The following CDH18 variants were observed in gnomAD, a reference collection of about 807,000 sequenced individuals.
The protein encoded by CDH18 is cadherin-18.
A neutral mutation model predicts 67.9 loss-of-function variants in CDH18; 31 were observed. That is an observed-to-expected ratio of 0.46 (90% confidence interval 0.34 to 0.62). The LOEUF (loss-of-function observed/expected upper bound fraction) is 0.62. Among genes scored for constraint, CDH18 ranks in the 20% least tolerant of loss-of-function variants. CDH18 has a pLI of 0.01. For missense variants in CDH18, 890 were observed against 975.5 expected (o/e 0.91, Z 1.17); for synonymous variants, 362 against 347.2 (o/e 1.04, Z -0.48).
intron 2 of CDH18, among the ~76,000 whole-genome samples, chr5:20,084,684 C>T (rs1269680519): frequency 1.3e-5 from 2 of 152,158 alleles, no homozygotes; most frequent in African/African-American, 4.8e-5. Flanking sequence ...CAGAGGTTCC[C>T]AAACCTCAAT....
At chr5:19,972,582 G>A (rs1161728316) in intron 2 of CDH18, among the ~76,000 whole-genome samples, 8 of 151,686 alleles carry the variant, frequency 5.3e-5, no homozygotes, top group Admixed American at 4.0e-4. Context: ...ATATAGCAGG[G>A]GAATAATACA....
chr5:20,090,001 C>A (rs1745284337), intron 2 of CDH18, among the ~76,000 whole-genome samples: 1 of 152,044 alleles, frequency 6.6e-6, no homozygotes, highest in Admixed American at 6.6e-5. Flanking sequence ...GAAATACTCG[C>A]TTATGGAAAG....
chr5:20,325,967 T>G (rs1738536279), intron 1 of CDH18, among the ~76,000 whole-genome samples: 1 of 152,200 alleles, frequency 6.6e-6, no homozygotes, highest in African/African-American at 2.4e-5. Flanking sequence ...CCCCCAACTT[T>G]ATTGAGAGCC....
chr5:20,544,735 G>T (rs1317373105), intron 1 of CDH18, among the ~76,000 whole-genome samples: 1 of 152,128 alleles, frequency 6.6e-6, no homozygotes, highest in Non-Finnish European at 1.5e-5. Context: ...CCCAAGATGA[G>T]ATTTGGGTGG....
chr5:19,699,632 G>GTGTCTGTC (rs1554007620), intron 5 of CDH18, among the ~76,000 whole-genome samples: 12 of 133,436 alleles, frequency 9.0e-5, no homozygotes, highest in Non-Finnish European at 4.7e-5. Flanking sequence ...GTGTGTGTGT[G>GTGTCTGTC]TGTGTGTGTC....
At chr5:19,814,290 C>T (rs1779059610) in intron 3 of CDH18, among the ~76,000 whole-genome samples, 2 of 152,090 alleles carry the variant, frequency 1.3e-5, no homozygotes, top group African/African-American at 4.8e-5. Flanking sequence ...ATATTACTCC[C>T]ACACTCACAG....
At chr5:19,775,065 C>A (rs1164472805) in intron 3 of CDH18, among the ~76,000 whole-genome samples, 1 of 151,994 alleles carries the variant, frequency 6.6e-6, no homozygotes, top group East Asian at 1.9e-4. Flanking sequence ...CCCTTCAGAG[C>A]CAAAGCTGAA....
intron 2 of CDH18, among the ~76,000 whole-genome samples, chr5:20,063,985 A>G (rs1742745844): frequency 6.6e-6 from 1 of 152,186 alleles, no homozygotes; most frequent in Admixed American, 6.6e-5. Context: ...ACAATGAACT[A>G]AAAGCATGTT....
chr5:20,505,126 G>C (rs1754583545), intron 1 of CDH18, among the ~76,000 whole-genome samples: 1 of 151,998 alleles, frequency 6.6e-6, no homozygotes, highest in East Asian at 1.9e-4. Flanking sequence ...TATTATATGG[G>C]GGAAATTTCA....
At chr5:19,597,547 C>T (rs1169504196) in intron 6 of CDH18, among the ~76,000 whole-genome samples, 1 of 152,028 alleles carries the variant, frequency 6.6e-6, no homozygotes, top group Non-Finnish European at 1.5e-5. Flanking sequence ...GATTCTATTG[C>T]ACCCTTATTG....
intron 1 of CDH18, among the ~76,000 whole-genome samples, chr5:20,273,884 G>A (rs1414075061): frequency 1.3e-5 from 2 of 152,098 alleles, no homozygotes; most frequent in African/African-American, 4.8e-5. Flanking sequence ...AAAAAGATAT[G>A]TTGAAGTCTT....
At chr5:19,698,669 G>T (rs1165834914) in intron 5 of CDH18, among the ~76,000 whole-genome samples, 2 of 151,890 alleles carry the variant, frequency 1.3e-5, no homozygotes, top group African/African-American at 4.8e-5. Flanking sequence ...GAATAGTTTA[G>T]GTATCTGTAT....
intron 1 of CDH18, among the ~76,000 whole-genome samples, chr5:20,528,087 G>T (rs1472738719): frequency 6.6e-6 from 1 of 151,892 alleles, no homozygotes; most frequent in Non-Finnish European, 1.5e-5. Flanking sequence ...CAAATGAAAA[G>T]CAGAAAAAAG....
chr5:20,022,119 T>C (rs1738479310), intron 2 of CDH18, among the ~76,000 whole-genome samples: 1 of 152,230 alleles, frequency 6.6e-6, no homozygotes, highest in Non-Finnish European at 1.5e-5. Context: ...ACTAGTATTG[T>C]GTTTCACTGA....
At chr5:20,425,670 G>A (rs2150166857) in intron 1 of CDH18, among the ~76,000 whole-genome samples, 1 of 150,968 alleles carries the variant, frequency 6.6e-6, no homozygotes, top group South Asian at 2.1e-4. Context: ...TGGAGATTGG[G>A]CGCAGAGCTG....
chr5:20,010,323 C>G lies in CDH18; in HGVS notation c.-517-18309G>C, dbSNP rs542545060. On this transcript the variant is annotated intron_variant, in intron 2 of 14. Transcript: ENST00000507958. Reference sequence around the variant, plus strand: ...GATCTTGGTTCAATTGATTCTCCTGCCTCAGCCTCCAGAGTAGCTGGGATT... The same window carrying G: ...GATCTTGGTTCAATTGATTCTCCTGGCTCAGCCTCCAGAGTAGCTGGGATT... Among the ~76,000 whole-genome samples, 7 of 152,150 alleles carry G rather than the reference C, an allele frequency of 4.6e-5. No homozygotes were observed. In the South Asian group the frequency reaches 1.5e-3, roughly 32 times the overall value.
chr5:19,615,540 T>C (rs1749686755), intron 5 of CDH18, among the ~76,000 whole-genome samples: 2 of 152,158 alleles, frequency 1.3e-5, no homozygotes, highest in Admixed American at 6.5e-5. Flanking sequence ...TGAGCCTACA[T>C]TGACACATCA....
intron 11 of CDH18, among the ~76,000 whole-genome samples, chr5:19,489,543 G>A (rs1288731485): frequency 1.3e-5 from 2 of 151,872 alleles, no homozygotes; most frequent in Non-Finnish European, 2.9e-5. Flanking sequence ...CACCGCGCCT[G>A]GCCAATATTT....
At chr5:19,757,874 T>C (rs1035319159) in intron 3 of CDH18, among the ~76,000 whole-genome samples, 1 of 152,212 alleles carries the variant, frequency 6.6e-6, no homozygotes, top group African/African-American at 2.4e-5. Context: ...TTGGGAAGAT[T>C]TCCCTTCACC....
Sources: gnomAD v4.1 joint callset for allele counts (sites outside exome capture counted in the v4.1 genomes callset) on GRCh38, gnomAD v4.1.1 for gene constraint, MANE v1.5 for transcripts, NCBI Gene and HGNC (gene_info 2026-07-23, HGNC 2026-07-21) for gene names.